The following RAPGEF4 variants were observed in gnomAD, a reference collection of about 807,000 sequenced individuals.
The protein encoded by RAPGEF4 is Rap guanine nucleotide exchange factor 4.
A neutral mutation model predicts 147.9 loss-of-function variants in RAPGEF4; 66 were observed. That is an observed-to-expected ratio of 0.45 (90% CI 0.37 to 0.55). The LOEUF (loss-of-function observed/expected upper bound fraction) is 0.55. Among genes scored for constraint, RAPGEF4 ranks in the 20% least tolerant of loss-of-function variants. The probability of loss-of-function intolerance (pLI) is 0.00; values close to 1 mark genes in which losing one functional copy is unlikely to be tolerated. For synonymous variants in RAPGEF4, 419 were observed against 442.7 expected, an observed-to-expected ratio of 0.95 and a Z score of 0.67; for missense variants, 1,071 against 1,257.3, an observed-to-expected ratio of 0.85 and a Z score of 2.24.
At chr2:172,747,811 T>TA (rs1172977990) in intron 1 of RAPGEF4, among the ~76,000 whole-genome samples, 2 of 152,172 alleles carry the variant, frequency 1.3e-5, no homozygotes, top group Non-Finnish European at 2.9e-5. Context: ...CCTTGACCAA[T>TA]ATCTCCCCAT....
chr2:172,854,235 A>AT (rs1693168098), intron 4 of RAPGEF4, among the ~76,000 whole-genome samples: 1 of 151,596 alleles, frequency 6.6e-6, no homozygotes, highest in Non-Finnish European at 1.5e-5. Flanking sequence ...AATTTTTTTA[A>AT]TTTTTTGCTT....
At chr2:173,039,174 C>T (rs934805466) in intron 29 of RAPGEF4, among the ~76,000 whole-genome samples, 2 of 152,098 alleles carry the variant, frequency 1.3e-5, no homozygotes, top group Non-Finnish European at 2.9e-5. Context: ...AAAGTTCAAG[C>T]AGGCCAGGTG....
chr2:172,872,501 C>A (rs1695351948), intron 4 of RAPGEF4, among the ~76,000 whole-genome samples: 1 of 152,092 alleles, frequency 6.6e-6, no homozygotes, highest in Non-Finnish European at 1.5e-5. Flanking sequence ...TGTGTCCCCA[C>A]CCAAATCTCA....
intron 4 of RAPGEF4, chr2:172,814,689 T>G: frequency 2.2e-6 from 1 of 450,112 alleles, no homozygotes; most frequent in Non-Finnish European, 4.1e-6. Context: ...GACCATAGAG[T>G]GTTTTATGTA....
At chr2:172,969,149 G>A (rs536718773) in intron 10 of RAPGEF4, among the ~76,000 whole-genome samples, 14 of 152,344 alleles carry the variant, frequency 9.2e-5, no homozygotes, top group Middle Eastern at 6.8e-3. Flanking sequence ...AACAATGCCC[G>A]TGTGGAGAAA....
chr2:172,809,356 G>A (rs1006825882), intron 3 of RAPGEF4, among the ~76,000 whole-genome samples: 1 of 152,116 alleles, frequency 6.6e-6, no homozygotes, highest in African/African-American at 2.4e-5. Flanking sequence ...GAGGAACTGG[G>A]ACCCAGGAAG....
At chr2:172,759,715 T>C (rs1372624587) in intron 1 of RAPGEF4, among the ~76,000 whole-genome samples, 1 of 152,230 alleles carries the variant, frequency 6.6e-6, no homozygotes, top group Non-Finnish European at 1.5e-5. Flanking sequence ...ATACTTGCTT[T>C]TGGTACATAT....
chr2:172,955,041 G>A (rs372336041), intron 6 of RAPGEF4, among the ~76,000 whole-genome samples: 2 of 152,094 alleles, frequency 1.3e-5, no homozygotes, highest in South Asian at 2.1e-4. Flanking sequence ...GCTTTTTACC[G>A]CACTGGTTTG....
At chr2:172,906,142 A>G (rs1164095039) in intron 4 of RAPGEF4, among the ~76,000 whole-genome samples, 1 of 152,234 alleles carries the variant, frequency 6.6e-6, no homozygotes, top group African/African-American at 2.4e-5. Context: ...ACAGAAAAAA[A>G]GGGTCTAAAC....
At chr2:172,785,992 G>A (rs1196409522) in intron 1 of RAPGEF4, among the ~76,000 whole-genome samples, 1 of 152,162 alleles carries the variant, frequency 6.6e-6, no homozygotes, top group Non-Finnish European at 1.5e-5. Context: ...GCCAAGCAAC[G>A]GAAGTCATCG....
In RAPGEF4 at chr2:173,019,747, A is replaced by C. The variant is rs189064174; in HGVS notation, c.2156-871A>C. ...CCCTGACCCCTTGTCACCTTCCCAT[A>C]GATATCCCAGGTCTCACCCTCACTT... On this transcript the variant is annotated intron_variant, in intron 22 of 30. Coordinates refer to ENST00000397081, the MANE Select transcript of RAPGEF4 (RefSeq NM_007023.4). Among the ~76,000 whole-genome samples the C allele has an allele frequency of 1.8e-4, 28 of 152,262 alleles. 1 individual carries two copies. The highest frequency in any genetic ancestry group is 6.5e-4 in the African/African-American group (27 of 41,542).
intron 4 of RAPGEF4, among the ~76,000 whole-genome samples, chr2:172,880,624 A>G (rs569050228): frequency 6.6e-6 from 1 of 152,370 alleles, no homozygotes; most frequent in Non-Finnish European, 1.5e-5. Context: ...AACTGGTACA[A>G]TTAAAACTTA....
At chr2:172,863,505 A>G (rs1434951876) in intron 4 of RAPGEF4, among the ~76,000 whole-genome samples, 1 of 152,196 alleles carries the variant, frequency 6.6e-6, no homozygotes, top group Non-Finnish European at 1.5e-5. Context: ...GGGGATACAA[A>G]TAGTGTCAGG....
At position 172,996,927 on chromosome 2, in the gene RAPGEF4, C is replaced by T. The variant is rs1693426508; in HGVS notation, c.1579+373C>T. On this transcript the variant is annotated intron_variant, in intron 16 of 30. Coordinates refer to ENST00000397081, the MANE Select transcript of RAPGEF4 (RefSeq NM_007023.4). ...CTACATAAAAGGTACAGCCTTGCTC[C>T]AGTTGGGAGTAAGATACTTCTCTCT... Among the ~76,000 whole-genome samples the T allele has an allele frequency of 2.6e-5, 4 of 152,200 alleles. No individual in the cohort carries two copies. The South Asian group carries it at 8.3e-4, about 32-fold the overall frequency.
At chr2:172,828,299 CA>C in intron 4 of RAPGEF4, among the ~76,000 whole-genome samples, 1 of 152,238 alleles carries the variant, frequency 6.6e-6, no homozygotes, top group Middle Eastern at 3.4e-3. Flanking sequence ...AGAAATGTGA[CA>C]GACAGGAAGA....
chr2:172,752,386 A>G (rs1273670851), intron 1 of RAPGEF4, among the ~76,000 whole-genome samples: 1 of 152,078 alleles, frequency 6.6e-6, no homozygotes, highest in Non-Finnish European at 1.5e-5. Flanking sequence ...TTTGTATTGA[A>G]TTTTTATCAT....
chr2:172,820,177 G>A (rs1346003298), intron 4 of RAPGEF4, among the ~76,000 whole-genome samples: 1 of 152,170 alleles, frequency 6.6e-6, no homozygotes, highest in East Asian at 1.9e-4. Context: ...GAGGTGATGA[G>A]TCCACTGTAT....
chr2:173,034,343 G>A (rs1333206926), intron 27 of RAPGEF4, among the ~76,000 whole-genome samples: 1 of 152,142 alleles, frequency 6.6e-6, no homozygotes, highest in Non-Finnish European at 1.5e-5. Flanking sequence ...CGGGAGTGAT[G>A]GGCAGGTTTC....
At chr2:173,026,549 T>C (rs200755636) in intron 23 of RAPGEF4, 23 bp from the exon 24 acceptor site, 21 of 1,607,534 alleles carry the variant, frequency 1.3e-5, no homozygotes, top group Non-Finnish European at 1.8e-5. Flanking sequence ...GTTTCTGATA[T>C]GTTTTTGCAT....
Sources: allele counts gnomAD v4.1 joint callset (sites outside exome capture counted in the v4.1 genomes callset), GRCh38; gene constraint gnomAD v4.1.1; transcripts MANE v1.5; gene names NCBI Gene and HGNC (gene_info 2026-07-23, HGNC 2026-07-21).